CRYZL1: variants seen among roughly 807,000 people sequenced by gnomAD.
The protein encoded by CRYZL1 is ferry endosomal RAB5 effector complex subunit 4.
A neutral mutation model predicts 50.6 loss-of-function variants in CRYZL1; 34 were observed. The ratio of observed to expected loss-of-function variants is 0.67; its 90% CI spans 0.51 to 0.89. The LOEUF is 0.89. CRYZL1 is among the 40% of genes least tolerant of loss of function. The pLI, the probability that CRYZL1 is intolerant of heterozygous loss-of-function variation, is 0.00. For missense variants in CRYZL1, 354 were observed against 402.3 expected (o/e 0.88, Z 1.03); for synonymous variants, 125 against 134.3 (o/e 0.93, Z 0.48).
At chr21:33,633,913 A>G (rs1373369881) in intron 1 of CRYZL1, among the ~76,000 whole-genome samples, 2 of 152,330 alleles carry the variant, frequency 1.3e-5, no homozygotes, top group East Asian at 3.9e-4. Flanking sequence ...TATGTCCATA[A>G]AGCCAGCCCT....
At chr21:33,615,960 T>A (rs1258027452) in intron 5 of CRYZL1, among the ~76,000 whole-genome samples, 1 of 152,244 alleles carries the variant, frequency 6.6e-6, no homozygotes, top group East Asian at 1.9e-4. Flanking sequence ...CTTTAAGTTT[T>A]AGGGTACATG....
chr21:33,631,313 A>G (rs2087134921), intron 2 of CRYZL1, among the ~76,000 whole-genome samples, 173 bp downstream of exon 2: 1 of 152,234 alleles, frequency 6.6e-6, no homozygotes, highest in African/African-American at 2.4e-5. Context: ...TAGTTAAACT[A>G]CTATATGAAC....
At chr21:33,596,248 A>G (rs772613784) in intron 10 of CRYZL1, 4 of 427,662 alleles carry the variant, frequency 9.4e-6, no homozygotes, top group Non-Finnish European at 1.9e-5. Flanking sequence ...AGTAATTCCA[A>G]TTTGAATAAT....
At chr21:33,607,226 T>A (rs80341010) in intron 6 of CRYZL1, among the ~76,000 whole-genome samples, 7,871 of 152,294 alleles carry the variant, frequency 0.052, 257 homozygotes, top group Non-Finnish European at 0.08. Context: ...AACTCTATTA[T>A]CAAGTTTGAG....
At chr21:33,593,602 T>A (rs1456239897) in intron 11 of CRYZL1, among the ~76,000 whole-genome samples, 1 of 152,204 alleles carries the variant, frequency 6.6e-6, no homozygotes, top group Non-Finnish European at 1.5e-5. Flanking sequence ...AGGTTAAAAT[T>A]GCCTTCTCAT....
At chr21:33,591,748 T>TC (rs1157399337) in intron 11 of CRYZL1, 1 of 152,584 alleles carries the variant, frequency 6.6e-6, no homozygotes, top group African/African-American at 2.4e-5. Context: ...GATACTCAAG[T>TC]CCCTTATAGA....
chr21:33,596,483 C>T (rs569884381), intron 10 of CRYZL1, among the ~76,000 whole-genome samples: 214 of 151,802 alleles, frequency 1.4e-3, no homozygotes, highest in African/African-American at 5.0e-3. Context: ...ACTAAATATA[C>T]AAAAATTAAC....
At chr21:33,630,912 T>C (rs562498269) in intron 2 of CRYZL1, among the ~76,000 whole-genome samples, 17 of 152,182 alleles carry the variant, frequency 1.1e-4, no homozygotes, top group Non-Finnish European at 2.1e-4. Flanking sequence ...AAATATTACA[T>C]GATCTCACTC....
In CRYZL1 at chr21:33,607,698, C is replaced by CA. The variant is rs199785622; in HGVS notation, c.332-4162dup. 8.6e-4 allele frequency among the ~76,000 whole-genome samples: 131 copies of CA among 151,926 alleles called. 2 individuals carry two copies. The East Asian group carries it at 0.024, about 28-fold the overall frequency. Reference sequence around the variant, plus strand: ...ATTAAAAATAAAAACAAATTATATACAAAAAAAATCACCAGGAAAGTAATA... The same window carrying CA: ...ATTAAAAATAAAAACAAATTATATACAAAAAAAAATCACCAGGAAAGTAATA... On this transcript the variant is annotated intron_variant, in intron 6 of 12. Coordinates refer to ENST00000381554, the MANE Select transcript of CRYZL1 (RefSeq NM_145858.3).
At chr21:33,615,452 T>C (rs1411302357) in intron 5 of CRYZL1, among the ~76,000 whole-genome samples, 4 of 152,118 alleles carry the variant, frequency 2.6e-5, no homozygotes, top group African/African-American at 9.7e-5. Context: ...CCACATAATA[T>C]ATATTATATG....
chr21:33,602,385 A>C, intron 7 of CRYZL1, 40 bp from the exon 8 acceptor site: 1 of 842,586 alleles, frequency 1.2e-6, no homozygotes, highest in Non-Finnish European at 2.0e-6. Flanking sequence ...ATGGTTATAG[A>C]ACAGAGGCCA....
At chr21:33,631,850 G>C (rs189602093) in intron 1 of CRYZL1, among the ~76,000 whole-genome samples, 2 of 152,234 alleles carry the variant, frequency 1.3e-5, no homozygotes, top group Admixed American at 6.5e-5. Flanking sequence ...GAAGCCTTAT[G>C]ATGGCCAGAG....
chr21:33,626,640 C>T (rs1180140547), intron 2 of CRYZL1, among the ~76,000 whole-genome samples: 6 of 149,930 alleles, frequency 4.0e-5, no homozygotes, highest in Admixed American at 2.0e-4. Context: ...GAGGTTGCAG[C>T]GAGCTGATAT....
chr21:33,613,411 T>C (rs573442073), intron 6 of CRYZL1, 127 bp downstream of exon 6: 1 of 613,016 alleles, frequency 1.6e-6, no homozygotes, highest in East Asian at 2.7e-5. Context: ...TTTACATACA[T>C]GACTGGCTAA....
In CRYZL1 at chr21:33,600,688, C is replaced by T. The variant is rs530848359; in HGVS notation, c.578-1440G>A. On this transcript the variant is annotated intron_variant, in intron 8 of 12. Transcript: ENST00000381554. ...TCACCCAGTCTGGAGTGCAGTGGCG[C>T]GATCTCGGCTCACTGCAAGCTCTGC... 2.6e-3 allele frequency among the ~76,000 whole-genome samples: 390 copies of T among 150,342 alleles called. 1 individual carries two copies. The highest frequency in any genetic ancestry group is 3.8e-3 in the Non-Finnish European group (255 of 67,702).
chr21:33,629,463 G>A (rs1261385110), intron 2 of CRYZL1, among the ~76,000 whole-genome samples: 6 of 152,120 alleles, frequency 3.9e-5, no homozygotes, highest in Middle Eastern at 3.4e-3. Context: ...GGGTTTCACC[G>A]TGTTGCCCAG....
In CRYZL1 at chr21:33,609,188, C is replaced by T. The variant is rs547290713; in HGVS notation, c.331+4350G>A. Among the ~76,000 whole-genome samples, 5 of 152,162 alleles carry T rather than the reference C, an allele frequency of 3.3e-5. No individual in the cohort carries two copies. The East Asian group carries it at 9.7e-4, about 29-fold the overall frequency. On this transcript the variant is annotated intron_variant, in intron 6 of 12. Coordinates refer to ENST00000381554, the MANE Select transcript of CRYZL1 (RefSeq NM_145858.3). ...TTTTCTAATTGTTTTTTTCTTCTTG[C>T]TGTTTTCTGAGCTCCTTCTATATCA...
intron 3 of CRYZL1, 82 bp downstream of exon 3, chr21:33,624,601 A>T: frequency 1.3e-6 from 2 of 1,545,646 alleles, no homozygotes; most frequent in Non-Finnish European, 8.7e-7. Flanking sequence ...TCACATTGAG[A>T]GGTCAGTTAT....
rs551920811 is a variant in CRYZL1, at chr21:33,592,104, TTTTG to T, written c.905-901_905-898del. Among the ~76,000 whole-genome samples, 558 of 151,976 alleles carry T rather than the reference TTTTG, an allele frequency of 3.7e-3. 4 individuals carry two copies. Among genetic ancestry groups the T allele is most frequent in the African/African-American group, 0.013 (534 of 41,420 alleles). On this transcript the variant is annotated intron_variant, in intron 11 of 12. Transcript: ENST00000381554. ...ATGTAGATAGTGGTTATGCTATTTT[TTTTG>T]TTTTTTTTATTGTCGTATTATTACT...
Sources: allele counts gnomAD v4.1 joint callset (sites outside exome capture counted in the v4.1 genomes callset), GRCh38; gene constraint gnomAD v4.1.1; transcripts MANE v1.5; gene names NCBI Gene and HGNC (gene_info 2026-07-23, HGNC 2026-07-21).